SERINC5: variants seen among roughly 807,000 people sequenced by gnomAD.
SERINC5 encodes the protein serine incorporator 5.
SERINC5 carries 41 observed loss-of-function variants against 63.1 expected under a neutral mutation model. The observed-to-expected ratio is 0.65, with a 90% CI of 0.51 to 0.84. The LOEUF (loss-of-function observed/expected upper bound fraction) is 0.84. Ranked by LOEUF, SERINC5 falls within the 40% of genes least tolerant of loss-of-function variation. The pLI, the probability that SERINC5 is intolerant of heterozygous loss-of-function variation, is 0.00. For synonymous variants in SERINC5, 222 were observed against 215.2 expected, an observed-to-expected ratio of 1.03 and a Z score of -0.28; for missense variants, 523 against 573.0, an observed-to-expected ratio of 0.91 and a Z score of 0.89.
chr5:80,148,189 C>CTTTTTTTTTTTTTTTTTTTTTTTT (rs796769914), intron 9 of SERINC5, among the ~76,000 whole-genome samples: 4 of 102,330 alleles, frequency 3.9e-5, no homozygotes, highest in African/African-American at 7.7e-5. Flanking sequence ...ATTTTTTATT[C>CTTTTTTTTTTTTTTTTTTTTTTTT]TTTTTTTTTT....
In SERINC5 at chr5:80,231,446, T is replaced by C. The variant is rs114940502; in HGVS notation, c.27+24450A>G. On this transcript the variant is annotated intron_variant, in intron 1 of 11. Coordinates refer to ENST00000507668, the MANE Select transcript of SERINC5 (RefSeq NM_001174072.3). ...CTGTAACAGCATCTACTGCAGGCCT[T>C]TGTTACTTACAATTAAATCTCTATA... is the stretch of plus-strand genomic sequence containing the variant. Among the ~76,000 whole-genome samples the C allele has an allele frequency of 4.6e-3, 700 of 152,282 alleles. 6 individuals are homozygous for C. Among genetic ancestry groups the C allele is most frequent in the African/African-American group, 0.016 (673 of 41,554 alleles).
At chr5:80,161,548 G>A (rs929180264) in intron 7 of SERINC5, among the ~76,000 whole-genome samples, 3 of 151,990 alleles carry the variant, frequency 2.0e-5, no homozygotes, top group Admixed American at 6.6e-5. Context: ...ACTTTTTAAT[G>A]GGATTATTTG....
chr5:80,178,928 T>C (rs1748235820), intron 2 of SERINC5, among the ~76,000 whole-genome samples: 2 of 152,234 alleles, frequency 1.3e-5, no homozygotes, highest in Middle Eastern at 3.4e-3. Flanking sequence ...TATCATACTA[T>C]GCATATAATA....
At chr5:80,137,749 C>A (rs1486777819), downstream of SERINC5, among the ~76,000 whole-genome samples, 1 of 151,096 alleles carries the variant, frequency 6.6e-6, no homozygotes, top group Non-Finnish European at 1.5e-5. Context: ...TAAGACCAAC[C>A]CGTGCAACAT....
chr5:80,144,703 A>G (rs1031041236), intron 11 of SERINC5, among the ~76,000 whole-genome samples: 2 of 151,958 alleles, frequency 1.3e-5, no homozygotes, highest in Admixed American at 6.6e-5. Flanking sequence ...TCCCTCTCCT[A>G]ATTTTATTTT....
intron 9 of SERINC5, among the ~76,000 whole-genome samples, chr5:80,148,125 G>A (rs1054442853): frequency 1.1e-4 from 16 of 151,820 alleles, no homozygotes; most frequent in African/African-American, 2.4e-4. Flanking sequence ...TGCACGGGCC[G>A]TGGGCAGGGA....
chr5:80,240,065 T>C (rs1186886086), intron 1 of SERINC5, among the ~76,000 whole-genome samples: 1 of 152,132 alleles, frequency 6.6e-6, no homozygotes, highest in Non-Finnish European at 1.5e-5. Flanking sequence ...ACAAAATTGC[T>C]CCAACAGGAT....
downstream of SERINC5, among the ~76,000 whole-genome samples, chr5:80,137,047 G>C (rs1745209731): frequency 6.9e-6 from 1 of 145,264 alleles, no homozygotes; most frequent in African/African-American, 2.5e-5. Flanking sequence ...TGAGGTGGGA[G>C]AATCACCTGA....
intron 1 of SERINC5, among the ~76,000 whole-genome samples, chr5:80,224,923 G>GTT (rs111805300): frequency 7.0e-6 from 1 of 143,850 alleles, no homozygotes; most frequent in African/African-American, 2.6e-5. Context: ...CACGCCCAGC[G>GTT]TTTTTTTTTT....
At chr5:80,171,171 G>A (rs79567774) in intron 5 of SERINC5, among the ~76,000 whole-genome samples, 1 of 151,944 alleles carries the variant, frequency 6.6e-6, no homozygotes, top group East Asian at 1.9e-4. Flanking sequence ...CACCATGCCG[G>A]GCTAATTTTG....
At chr5:80,192,929 G>A (rs1749282688) in intron 2 of SERINC5, among the ~76,000 whole-genome samples, 1 of 152,200 alleles carries the variant, frequency 6.6e-6, no homozygotes, top group South Asian at 2.1e-4. Context: ...CACTAATGGA[G>A]TTCACATATT....
rs190951013 is a variant in SERINC5, at chr5:80,198,624, C to A, written c.195+4262G>T. 2.2e-4 allele frequency: 216 copies of A among 985,412 alleles called. No individual in the cohort carries two copies. In the African/African-American group the frequency reaches 3.3e-3, roughly 15 times the overall value. The allele number at this position is 985,412 out of a possible 1,614,324, so 61.0% of individuals were successfully genotyped here. A position where few individuals can be genotyped will look rare whatever the true frequency, so the allele number is the denominator to read the frequency against. ...CAGTCTCAGGCACTTCCACGGCCAA[C>A]AAAGAGGGGGTAAGGACTCCAGCAG... On this transcript the variant is annotated intron_variant, in intron 2 of 11. Transcript: ENST00000507668.
Position 80,255,877 on chromosome 5 carries a change from T to A in SERINC5, c.27+19A>T, listed in dbSNP as rs1752656668. 6.3e-7 allele frequency: 1 copy of A among 1,589,634 alleles called. No individual in the cohort carries two copies. The highest frequency in any genetic ancestry group is 1.4e-5 in the African/African-American group (1 of 72,326). Reference sequence around the variant, plus strand: ...TTCTCCGATCTGACAACCCCCGCGCTGCGCCCGGCCTCGCTCACCTGGCCC... The same window carrying A: ...TTCTCCGATCTGACAACCCCCGCGCAGCGCCCGGCCTCGCTCACCTGGCCC... On this transcript the variant is annotated intron_variant, in intron 1 of 11. Coordinates refer to ENST00000507668, the MANE Select transcript of SERINC5 (RefSeq NM_001174072.3).
At chr5:80,164,656 T>C (rs1207491087) in intron 7 of SERINC5, among the ~76,000 whole-genome samples, 1 of 152,136 alleles carries the variant, frequency 6.6e-6, no homozygotes, top group East Asian at 1.9e-4. Context: ...AGTGCTAGGA[T>C]TACAAGCATG....
At chr5:80,246,359 G>T (rs1323955586) in intron 1 of SERINC5, among the ~76,000 whole-genome samples, 1 of 152,134 alleles carries the variant, frequency 6.6e-6, no homozygotes, top group African/African-American at 2.4e-5. Context: ...AATGCACTTA[G>T]CTAGTTTATA....
At chr5:80,214,418 A>G (rs1452027807) in intron 1 of SERINC5, among the ~76,000 whole-genome samples, 2 of 152,210 alleles carry the variant, frequency 1.3e-5, no homozygotes, top group Non-Finnish European at 2.9e-5. Flanking sequence ...AGAAAACAAA[A>G]CATTCCTGTT....
rs1282159054 is a variant in SERINC5 at position 80,173,281 on chromosome 5, G to A, written c.551+1673C>T. On this transcript the variant is annotated intron_variant, in intron 5 of 11. Transcript: ENST00000507668. ...AGGAAGGAAGGAAGGAAGGAAGGAA[G>A]AAAATGAAATGAAATGAAATGAAAA... 6.6e-4 allele frequency among the ~76,000 whole-genome samples: 95 copies of A among 144,146 alleles called. 1 individual carries two copies. The highest frequency in any genetic ancestry group is 2.2e-3 in the African/African-American group (87 of 38,800). The allele number at this position is 144,146 out of a possible 152,430, so 94.6% of individuals were successfully genotyped here. A position where few individuals can be genotyped will look rare whatever the true frequency, so the allele number is the denominator to read the frequency against.
intron 2 of SERINC5, among the ~76,000 whole-genome samples, chr5:80,193,538 C>G (rs1749327497): frequency 6.6e-6 from 1 of 152,220 alleles, no homozygotes; most frequent in Non-Finnish European, 1.5e-5. Flanking sequence ...CAGCTGACAC[C>G]TGGTGCTCCC....
At chr5:80,155,849 T>C (rs748398838) in intron 8 of SERINC5, among the ~76,000 whole-genome samples, 1 of 152,098 alleles carries the variant, frequency 6.6e-6, no homozygotes, top group Non-Finnish European at 1.5e-5. Context: ...CAGCAATGAT[T>C]CCTGGGTGCA....
Sources: gnomAD v4.1 joint callset for allele counts (sites outside exome capture counted in the v4.1 genomes callset) on GRCh38, gnomAD v4.1.1 for gene constraint, MANE v1.5 for transcripts, NCBI Gene and HGNC (gene_info 2026-07-23, HGNC 2026-07-21) for gene names.